The following ZC3H18 variants were observed in gnomAD, a reference collection of about 807,000 sequenced individuals.
The protein encoded by ZC3H18 is zinc finger CCCH-type containing 18.
Under a neutral mutation model 106.1 loss-of-function variants are expected in ZC3H18, and 8 were observed. That is an observed-to-expected ratio of 0.08 (90% CI 0.04 to 0.14). The LOEUF (loss-of-function observed/expected upper bound fraction) is 0.14, where lower values mean the gene tolerates loss of function less well. ZC3H18 is among the 10% of genes least tolerant of loss of function. ZC3H18 has a pLI of 1.00. For missense variants in ZC3H18, 1,318 were observed against 1,278.4 expected (o/e 1.03, Z -0.47); for synonymous variants, 635 against 522.1 (o/e 1.22, Z -2.95).
chr16:88,585,648 G>A (rs1472343946), intron 2 of ZC3H18, among the ~76,000 whole-genome samples: 1 of 152,174 alleles, frequency 6.6e-6, no homozygotes, highest in African/African-American at 2.4e-5. Context: ...GGAAGAACGC[G>A]GTCAGGCCTG....
chr16:88,629,894 G>A, intron 16 of ZC3H18, among the ~76,000 whole-genome samples: 1 of 152,226 alleles, frequency 6.6e-6, no homozygotes, highest in South Asian at 2.1e-4. Context: ...CAGTTCTCTG[G>A]GTTTGTCGGA....
Position 88,631,330 on chromosome 16 carries a change from T to C in ZC3H18, c.*31T>C, listed in dbSNP as rs573249600. 6.4e-6 allele frequency: 10 copies of C among 1,554,284 alleles called. No individual in the cohort carries two copies. In the African/African-American group the frequency reaches 1.2e-4, roughly 19 times the overall value. ...GCCCCGACCGGACTGGACGCATTTT[T>C]ATACATAGGGTAAGCGCAGCCATTT... is the stretch of plus-strand genomic sequence containing the variant. On this transcript the variant is annotated 3_prime_UTR_variant, in exon 18 of 18. Transcript: ENST00000301011.
intron 8 of ZC3H18, among the ~76,000 whole-genome samples, chr16:88,615,755 A>T (rs1182051181): frequency 6.6e-6 from 1 of 152,148 alleles, no homozygotes; most frequent in African/African-American, 2.4e-5. Flanking sequence ...TTGGTGGCTT[A>T]TGGGCACACG....
In ZC3H18 at chr16:88,627,414, T is replaced by G; in HGVS notation, c.2109-208T>G. The G allele has an allele frequency of 1.3e-5, 7 of 544,232 alleles. No individual in the cohort carries two copies. Among genetic ancestry groups the G allele is most frequent in the South Asian group, 5.9e-5 (2 of 34,010 alleles). The allele number at this position is 544,232 out of a possible 1,614,324, so 33.7% of individuals were successfully genotyped here. Reference sequence around the variant, plus strand: ...AGCCGTGCCTGGCTGCAACCTGACATTGATTAGTGAAATGGGGCCCTGGCC... The same window carrying G: ...AGCCGTGCCTGGCTGCAACCTGACAGTGATTAGTGAAATGGGGCCCTGGCC... On this transcript the variant is annotated intron_variant, in intron 13 of 17. Transcript: ENST00000301011. This position sits in a 1 kb window ranked among gnomAD's most constrained non-coding sequence, Gnocchi z 4.5.
Position 88,624,205 on chromosome 16 carries a change from G to C in ZC3H18, c.1898+143G>C, listed in dbSNP as rs1597358804. ...GGGGCTGGCCCCAGGGGGTGACTGG[G>C]CTGGGAGGCACTGGGCACAGCTCCT... On this transcript the variant is annotated intron_variant, in intron 11 of 17. Transcript: ENST00000301011. 6 of 1,155,598 alleles carry C rather than the reference G, an allele frequency of 5.2e-6. No homozygotes were observed. The East Asian group carries it at 1.5e-4, about 29-fold the overall frequency. 71.6% of individuals were successfully genotyped at this position (1,155,598 alleles called of 1,614,324 possible).
At chr16:88,614,545 C>G (rs1905462712) in intron 8 of ZC3H18, among the ~76,000 whole-genome samples, 1 of 152,224 alleles carries the variant, frequency 6.6e-6, no homozygotes, top group African/African-American at 2.4e-5. Context: ...CATTCTCCAG[C>G]TCACAGTGAA....
At position 88,598,620 on chromosome 16, in the gene ZC3H18, G is replaced by A. The variant is rs1904578906; in HGVS notation, c.838G>A (p.Gly280Ser). 3.7e-6 allele frequency: 6 copies of A among 1,608,006 alleles called. No individual in the cohort carries two copies. Among genetic ancestry groups the A allele is most frequent in the South Asian group, 2.2e-5 (2 of 89,960 alleles). The change falls in exon 5 of 18, where the codon GGT (glycine) becomes AGT (serine). Residue 280 changes from glycine to serine, a missense_variant and splice_region_variant. Coordinates refer to ENST00000301011, the MANE Select transcript of ZC3H18 (RefSeq NM_144604.4). ...CTTCTCCCTTCTCGTTTTTCAATAGGGTGGGCCGGTAGTTGATGAAATTTT... is the reference window on the plus strand; with the variant it reads ...CTTCTCCCTTCTCGTTTTTCAATAGAGTGGGCCGGTAGTTGATGAAATTTT... ...PHPLMPANPW[G>S]GPVVDEILPP...
At chr16:88,579,429 C>T (rs900974356) in intron 2 of ZC3H18, among the ~76,000 whole-genome samples, 2 of 152,162 alleles carry the variant, frequency 1.3e-5, no homozygotes, top group Non-Finnish European at 2.9e-5. Flanking sequence ...AGAGGACTGG[C>T]TGCAGACCCT....
At position 88,585,964 on chromosome 16, in the gene ZC3H18, C is replaced by T. The variant is rs565769829; in HGVS notation, c.604-636C>T. Among the ~76,000 whole-genome samples the T allele has an allele frequency of 1.4e-4, 21 of 152,206 alleles. 1 individual carries two copies. The South Asian group carries it at 4.1e-3, about 30-fold the overall frequency. On this transcript the variant is annotated intron_variant, in intron 2 of 17. Transcript: ENST00000301011. ...GGGGTGGTGTAAGGAGGGGTCTCAG[C>T]TGCACGTCCGTGGGAACAGGCCCTG...
At chr16:88,609,598 G>A (rs574439300) in intron 7 of ZC3H18, among the ~76,000 whole-genome samples, 5 of 149,108 alleles carry the variant, frequency 3.4e-5, no homozygotes, top group Admixed American at 2.7e-4. Flanking sequence ...CACTGCGCCC[G>A]GCCTGGGTTG....
At chr16:88,584,463 A>G (rs1415053519) in intron 2 of ZC3H18, among the ~76,000 whole-genome samples, 1 of 152,180 alleles carries the variant, frequency 6.6e-6, no homozygotes, top group Non-Finnish European at 1.5e-5. Context: ...ATTATTTAAA[A>G]GACCATTGTG....
At chr16:88,622,049 C>T in intron 8 of ZC3H18, 148 bp from the exon 9 acceptor site, 1 of 930,060 alleles carries the variant, frequency 1.1e-6, no homozygotes, top group East Asian at 2.8e-5. Context: ...TTGTGAGTGG[C>T]CTTTTTTCCC....
At chr16:88,624,501 TGCAGTGTCGTTCCCCGA>T (rs1906171940) in intron 11 of ZC3H18, 84 bp from the exon 12 acceptor site, 1 of 1,556,486 alleles carries the variant, frequency 6.4e-7, no homozygotes, top group South Asian at 1.1e-5. Context: ...GTCACAGGCA[TGCAGTGTCGTTCCCCGA>T]GCTGTGGGTC....
Position 88,624,740 on chromosome 16 carries a change from C to A in ZC3H18, c.2037C>A (p.Pro679=), listed in dbSNP as rs774852012. Residue 679 remains proline, a synonymous_variant, in exon 12 of 18, where the codon CCC becomes CCA. Transcript: ENST00000301011. ...AGGAGCGGCCAGCCAGGACCCCCCC[C>A]AGGAGGTGAGCACTCCGGCGTCCGG... The part of the protein sequence containing the change: ...RRKERPARTP[P]RRRTLSGSGS... 7 of 1,611,882 alleles carry A rather than the reference C, an allele frequency of 4.3e-6. No homozygotes were observed. The highest frequency in any genetic ancestry group is 5.9e-6 in the Non-Finnish European group (7 of 1,179,326).
chr16:88,624,726 G>T lies in ZC3H18; in HGVS notation c.2023G>T (p.Ala675Ser). The T allele has an allele frequency of 6.2e-7, 1 of 1,612,860 alleles. No individual in the cohort carries two copies. The change falls in exon 12 of 18, where the codon GCC becomes TCC. Residue 675 changes from alanine (A) to serine (S), a missense_variant. Coordinates refer to ENST00000301011, the MANE Select transcript of ZC3H18 (RefSeq NM_144604.4). ...GGAAGCCAGGAGGAAGGAGCGGCCA[G>T]CCAGGACCCCCCCCAGGAGGTGAGC... is the stretch of plus-strand genomic sequence containing the variant. Reference protein sequence around the residue: ...PREARRKERPARTPPRRRTLS... With the variant: ...PREARRKERPSRTPPRRRTLS...
chr16:88,622,819 C>T, intron 9 of ZC3H18: 1 of 282,904 alleles, frequency 3.5e-6, no homozygotes, highest in Admixed American at 5.0e-5. Context: ...AAGCAGGGGG[C>T]CGGGGTAGAC....
chr16:88,576,191 G>A (rs185539240), intron 1 of ZC3H18, among the ~76,000 whole-genome samples: 11 of 150,852 alleles, frequency 7.3e-5, no homozygotes, highest in East Asian at 3.9e-4. Context: ...GTGAGCCACC[G>A]CGCCTGGCCT....
intron 7 of ZC3H18, among the ~76,000 whole-genome samples, chr16:88,609,545 G>T (rs1905175343): frequency 6.6e-6 from 1 of 151,732 alleles, no homozygotes; most frequent in Admixed American, 6.6e-5. Flanking sequence ...CAAGCAATCC[G>T]CCTGCTTTAG....
intron 3 of ZC3H18, among the ~76,000 whole-genome samples, chr16:88,589,865 A>C (rs1915639900): frequency 6.6e-6 from 1 of 152,230 alleles, no homozygotes; most frequent in Non-Finnish European, 1.5e-5. Flanking sequence ...AATGTTCTAG[A>C]ACTAGCTAGT....
Sources: allele counts gnomAD v4.1 joint callset (sites outside exome capture counted in the v4.1 genomes callset), GRCh38; gene constraint gnomAD v4.1.1; non-coding constraint Gnocchi (gnomAD v3.1); transcripts MANE v1.5; gene names NCBI Gene and HGNC (gene_info 2026-07-23, HGNC 2026-07-21).